The following PTPRD variants were observed in gnomAD, a reference collection of about 807,000 sequenced individuals.
PTPRD encodes protein tyrosine phosphatase receptor type D, also known as receptor-type tyrosine-protein phosphatase delta.
PTPRD carries 34 observed loss-of-function variants against 214.5 expected under a neutral mutation model. The observed-to-expected ratio is 0.16, with a 90% CI of 0.12 to 0.21. The LOEUF is 0.21. PTPRD is among the 10% of genes least tolerant of loss of function. The pLI is 1.00. For synonymous variants in PTPRD, 1,128 were observed against 845.7 expected (o/e 1.33, Z -5.79); for missense variants, 2,545 against 2,398.7 (o/e 1.06, Z -1.27).
intron 10 of PTPRD, among the ~76,000 whole-genome samples, chr9:9,039,525 A>G (rs531833617): frequency 5.3e-5 from 8 of 152,310 alleles, no homozygotes; most frequent in Non-Finnish European, 1.0e-4. Context: ...TTTTTTGTGG[A>G]ACACAACCAT....
chr9:9,668,186 A>C (rs957664595), intron 7 of PTPRD, among the ~76,000 whole-genome samples: 5 of 152,168 alleles, frequency 3.3e-5, no homozygotes, highest in Non-Finnish European at 7.4e-5. Flanking sequence ...TTATAACAAT[A>C]ACTGATTATA....
intron 9 of PTPRD, among the ~76,000 whole-genome samples, chr9:9,374,706 C>T (rs867046768): frequency 1.3e-5 from 2 of 152,268 alleles, no homozygotes; most frequent in Middle Eastern, 3.4e-3. Flanking sequence ...GCCAAGTTTA[C>T]CTAAGCTCTT....
chr9:8,993,753 C>T (rs193139198), intron 11 of PTPRD, among the ~76,000 whole-genome samples: 62 of 152,172 alleles, frequency 4.1e-4, no homozygotes, highest in African/African-American at 1.4e-3. Context: ...GGAAGAGTTT[C>T]TCAGACTTTT....
chr9:8,517,499 C>G (rs1001289070), intron 21 of PTPRD, among the ~76,000 whole-genome samples: 1 of 152,192 alleles, frequency 6.6e-6, no homozygotes, highest in African/African-American at 2.4e-5. Context: ...AAATTAAATA[C>G]TCTTTTGAGA....
rs756284890 is a variant in PTPRD, at chr9:8,636,786, G to C, written c.123C>G (p.Ala41=). 1 of 1,613,850 alleles carries C rather than the reference G, an allele frequency of 6.2e-7. No individual in the cohort carries two copies. The highest frequency in any genetic ancestry group is 1.3e-5 in the African/African-American group (1 of 74,874). The part of the protein sequence containing the change: ...VDQTGVSGGV[A]SFICQATGDP... Reference sequence around the variant, plus strand: ...CTCCCGTAGCTTGGCAGATGAAAGAGGCAACTCCGCCAGAGACCCCTGTCT... The same window carrying C: ...CTCCCGTAGCTTGGCAGATGAAAGACGCAACTCCGCCAGAGACCCCTGTCT... Residue 41 remains alanine, a synonymous_variant, in exon 13 of 46, where the codon GCC becomes GCG. Transcript: ENST00000381196.
intron 5 of PTPRD, among the ~76,000 whole-genome samples, chr9:9,923,146 GTGTA>G (rs2083128490): frequency 2.6e-5 from 4 of 151,280 alleles, no homozygotes; most frequent in East Asian, 1.9e-4. Flanking sequence ...GTGTGTGTGT[GTGTA>G]TGTACAGAAA....
chr9:8,740,512 G>A (rs185208710), intron 11 of PTPRD, among the ~76,000 whole-genome samples: 29 of 152,132 alleles, frequency 1.9e-4, no homozygotes, highest in African/African-American at 6.5e-4. Flanking sequence ...TGTCAATTAC[G>A]GAAAATATTA....
chr9:9,795,221 G>C (rs566410404), intron 5 of PTPRD, among the ~76,000 whole-genome samples: 5 of 152,194 alleles, frequency 3.3e-5, no homozygotes, highest in African/African-American at 9.7e-5. Flanking sequence ...TGTATTTGGA[G>C]ATCTGGATAG....
At chr9:9,982,759 A>G (rs1425544893) in intron 4 of PTPRD, among the ~76,000 whole-genome samples, 2 of 152,162 alleles carry the variant, frequency 1.3e-5, no homozygotes, top group Admixed American at 1.3e-4. Flanking sequence ...TTAAAAAAAT[A>G]AAATAAAATA....
In PTPRD at chr9:9,747,976, G is replaced by A. The variant is rs560465388; in HGVS notation, c.-325-13405C>T. On this transcript the variant is annotated intron_variant, in intron 6 of 45. Coordinates refer to ENST00000381196, the MANE Select transcript of PTPRD (RefSeq NM_002839.4). ...TCTGAGTCACTGTCCATGCAATGTT[G>A]TGATTAAGCTTATGACAGAAGAATT... Among the ~76,000 whole-genome samples the A allele has an allele frequency of 8.8e-4, 134 of 152,248 alleles. 1 individual carries two copies. Among genetic ancestry groups the A allele is most frequent in the African/African-American group, 3.0e-3 (125 of 41,532 alleles).
chr9:8,633,261 A>G, intron 14 of PTPRD, 56 bp downstream of exon 14: 1 of 1,577,788 alleles, frequency 6.3e-7, no homozygotes, highest in Non-Finnish European at 8.6e-7. Flanking sequence ...GATGCTACAA[A>G]AGAGATACAG....
intron 3 of PTPRD, among the ~76,000 whole-genome samples, chr9:10,146,936 C>G (rs2099026799): frequency 6.6e-6 from 1 of 152,094 alleles, no homozygotes; most frequent in Non-Finnish European, 1.5e-5. Flanking sequence ...CTGACAGAGA[C>G]AGTTGATAAG....
intron 14 of PTPRD, among the ~76,000 whole-genome samples, chr9:8,561,753 T>G (rs1368600848): frequency 2.7e-5 from 4 of 147,884 alleles, no homozygotes; most frequent in South Asian, 2.1e-4. Flanking sequence ...ATCCTTGGAT[T>G]TTTTTTTTTT....
At chr9:10,211,909 GCT>G (rs2099519072) in intron 3 of PTPRD, among the ~76,000 whole-genome samples, 1 of 152,106 alleles carries the variant, frequency 6.6e-6, no homozygotes, top group African/African-American at 2.4e-5. Context: ...TATGCAATAT[GCT>G]CATGTAACAA....
At chr9:10,563,635 C>T (rs914003561) in intron 2 of PTPRD, among the ~76,000 whole-genome samples, 3 of 151,620 alleles carry the variant, frequency 2.0e-5, no homozygotes, top group African/African-American at 7.3e-5. Context: ...GTCATTGAAA[C>T]ACTGTTGTTG....
intron 9 of PTPRD, among the ~76,000 whole-genome samples, chr9:9,319,918 G>C (rs1051559256): frequency 6.6e-6 from 1 of 152,028 alleles, no homozygotes; most frequent in Non-Finnish European, 1.5e-5. Context: ...GTTACATAAA[G>C]TCCTTTTTTA....
At chr9:10,523,760 A>G (rs762238897) in intron 2 of PTPRD, among the ~76,000 whole-genome samples, 1 of 151,360 alleles carries the variant, frequency 6.6e-6, no homozygotes, top group African/African-American at 2.4e-5. Flanking sequence ...ACTTTTGAAA[A>G]TAAATGATGT....
intron 14 of PTPRD, among the ~76,000 whole-genome samples, chr9:8,552,545 C>T (rs77652654): frequency 0.033 from 5,016 of 152,112 alleles, 218 homozygotes; most frequent in African/African-American, 0.098. Context: ...GGAGACTTCT[C>T]GCAGCTTCAG....
chr9:9,992,889 T>G (rs2095995574), intron 4 of PTPRD, among the ~76,000 whole-genome samples: 1 of 152,074 alleles, frequency 6.6e-6, no homozygotes, highest in East Asian at 1.9e-4. Context: ...ACATGGCACA[T>G]GTATACATAT....
Sources: allele counts gnomAD v4.1 joint callset (sites outside exome capture counted in the v4.1 genomes callset), GRCh38; gene constraint gnomAD v4.1.1; transcripts MANE v1.5; gene names NCBI Gene and HGNC (gene_info 2026-07-23, HGNC 2026-07-21).